The following PCDHA1 variants were observed in gnomAD, a reference collection of about 807,000 sequenced individuals.
The protein encoded by PCDHA1 is protocadherin alpha-1.
A neutral mutation model predicts 61.3 loss-of-function variants in PCDHA1; 42 were observed. The ratio of observed to expected loss-of-function variants is 0.69; its 90% confidence interval spans 0.54 to 0.89. The LOEUF (loss-of-function observed/expected upper bound fraction) is 0.89. Among genes scored for constraint, PCDHA1 ranks in the 40% least tolerant of loss-of-function variants. The pLI is 0.00. For synonymous variants in PCDHA1, 610 were observed against 553.8 expected (o/e 1.10, Z -1.43); for missense variants, 1,256 against 1,235.3 (o/e 1.02, Z -0.25).
At chr5:140,858,305 C>G (rs782690239) in intron 1 of PCDHA1, 1 of 1,597,172 alleles carries the variant, frequency 6.3e-7, no homozygotes, top group South Asian at 1.1e-5. Flanking sequence ...GCAGCAGAGG[C>G]GGCAGAGGGT....
chr5:140,956,060 G>A (rs1021406649), intron 1 of PCDHA1, among the ~76,000 whole-genome samples: 12 of 152,074 alleles, frequency 7.9e-5, no homozygotes, highest in African/African-American at 2.9e-4. Context: ...GAGACAATGG[G>A]GTTTTCCAGA....
chr5:140,806,028 A>T lies in PCDHA1; in HGVS notation c.2394+17344A>T, dbSNP rs73791789. On this transcript the variant is annotated intron_variant, in intron 1 of 3. Transcript: ENST00000504120. ...CATACTCAAATGCTTATAAGAGATA[A>T]ATTAATGTAATAAATGGCCCACGCG... 6.4e-3 allele frequency among the ~76,000 whole-genome samples: 974 copies of T among 152,332 alleles called. 8 individuals carry two copies. The highest frequency in any genetic ancestry group is 0.023 in the African/African-American group (940 of 41,570).
intron 1 of PCDHA1, chr5:140,851,710 G>C: frequency 1.0e-6 from 1 of 958,600 alleles, no homozygotes; most frequent in Non-Finnish European, 1.3e-6. Context: ...GCCATGTGAA[G>C]ATTCGAAACT....
intron 1 of PCDHA1, among the ~76,000 whole-genome samples, chr5:140,944,593 T>C (rs187929896): frequency 2.6e-5 from 4 of 152,318 alleles, no homozygotes; most frequent in African/African-American, 9.6e-5. Context: ...AGAATTTCCC[T>C]GGGTAGAGTA....
chr5:140,922,898 T>A (rs916788135), intron 1 of PCDHA1, among the ~76,000 whole-genome samples: 2 of 152,022 alleles, frequency 1.3e-5, no homozygotes, highest in African/African-American at 4.8e-5. Flanking sequence ...CAAGAAAAAA[T>A]TTTGAGATAC....
rs149764673 is a variant in PCDHA1 at position 140,835,585 on chromosome 5, T to A, written c.2394+46901T>A. 1.9e-6 allele frequency: 3 copies of A among 1,613,790 alleles called. No individual in the cohort carries two copies. The highest frequency in any genetic ancestry group is 1.3e-5 in the African/African-American group (1 of 74,926). On this transcript the variant is annotated intron_variant, in intron 1 of 3. Transcript: ENST00000504120. ...GTTCCCTTCAAGTTGGTGTCCACCT[T>A]CAAGAATTACTATTCATTGGTGCTG...
At chr5:140,836,844 T>C (rs2150270736) in intron 1 of PCDHA1, 26 of 827,138 alleles carry the variant, frequency 3.1e-5, no homozygotes, top group African/African-American at 6.9e-5. Flanking sequence ...GCTTTATGTA[T>C]AATTATTATT....
At chr5:140,875,546 AGGTGGGGAGCG>A in intron 1 of PCDHA1, 1 of 1,614,002 alleles carries the variant, frequency 6.2e-7, no homozygotes, top group Non-Finnish European at 8.5e-7. Context: ...GCAGCCTGGG[AGGTGGGGAGCG>A]GCCAGCTCCA....
At chr5:140,952,768 AT>A (rs1554220610) in intron 1 of PCDHA1, among the ~76,000 whole-genome samples, 1 of 152,180 alleles carries the variant, frequency 6.6e-6, no homozygotes, top group African/African-American at 2.4e-5. Context: ...AGACTGGATA[AT>A]TTAGAAAGAA....
intron 1 of PCDHA1, among the ~76,000 whole-genome samples, chr5:140,975,647 T>G (rs1563441442): frequency 6.6e-6 from 1 of 152,254 alleles, no homozygotes; most frequent in Non-Finnish European, 1.5e-5. Flanking sequence ...GCATATTATT[T>G]CATTGAGTAG....
At chr5:140,791,356 GT>G (rs1207006761) in intron 1 of PCDHA1, among the ~76,000 whole-genome samples, 1 of 152,178 alleles carries the variant, frequency 6.6e-6, no homozygotes. Context: ...ATAAGCACTG[GT>G]TGATACTGAG....
chr5:140,829,318 G>A, intron 1 of PCDHA1: 3 of 1,614,246 alleles, frequency 1.9e-6, no homozygotes, highest in Non-Finnish European at 2.5e-6. Context: ...CGTTGGTGCT[G>A]GACAGTGCCC....
intron 1 of PCDHA1, chr5:140,807,031 G>C: frequency 1.1e-6 from 1 of 901,876 alleles, no homozygotes; most frequent in South Asian, 1.7e-5. Context: ...GAAGGAGGAA[G>C]AAGGGAAAAT....
intron 1 of PCDHA1, among the ~76,000 whole-genome samples, chr5:140,887,688 G>GA (rs1453843716): frequency 4.2e-4 from 64 of 151,926 alleles, no homozygotes; most frequent in Middle Eastern, 3.2e-3. Context: ...TCAAATTCAG[G>GA]AAAAAATCAA....
intron 1 of PCDHA1, chr5:140,823,494 C>T (rs782300400): frequency 1.9e-6 from 3 of 1,613,266 alleles, no homozygotes; most frequent in Non-Finnish European, 2.5e-6. Flanking sequence ...GTGGCACCGG[C>T]GGCGCAGTGA....
intron 1 of PCDHA1, chr5:140,828,564 C>T: frequency 6.2e-7 from 1 of 1,614,226 alleles, no homozygotes. Flanking sequence ...GAGGGCGCGT[C>T]CGATGCAGAT....
In PCDHA1 at chr5:140,788,008, C is replaced by G; in HGVS notation, c.1718C>G (p.Thr573Ser). Residue 573 changes from threonine (T) to serine (S), a missense_variant, in exon 1 of 4, where the codon ACT becomes AGT. Coordinates refer to ENST00000504120, the MANE Select transcript of PCDHA1 (RefSeq NM_018900.4). ...PALLAPRVGG[T>S]IGAVSELVPR... ...CTGCTGGCGCCTCGAGTGGGTGGCA[C>G]TATTGGTGCAGTCAGTGAGCTGGTG... 5.0e-6 allele frequency: 8 copies of G among 1,614,006 alleles called. No homozygotes were observed. The highest frequency in any genetic ancestry group is 6.8e-6 in the Non-Finnish European group (8 of 1,179,898).
intron 1 of PCDHA1, among the ~76,000 whole-genome samples, chr5:140,800,189 C>T (rs1762520345): frequency 6.6e-6 from 1 of 151,832 alleles, no homozygotes; most frequent in Non-Finnish European, 1.5e-5. Context: ...AAAATTAAAC[C>T]TAATATATTC....
At chr5:140,829,946 C>A in intron 1 of PCDHA1, 1 of 1,613,986 alleles carries the variant, frequency 6.2e-7, no homozygotes, top group East Asian at 2.2e-5. Flanking sequence ...AAGCAGCGCT[C>A]GCTTCCCGTT....
Sources: allele counts gnomAD v4.1 joint callset (sites outside exome capture counted in the v4.1 genomes callset), GRCh38; gene constraint gnomAD v4.1.1; transcripts MANE v1.5; gene names NCBI Gene and HGNC (gene_info 2026-07-23, HGNC 2026-07-21).